The following PAFAH1B2 variants were observed in gnomAD, a reference collection of about 807,000 sequenced individuals.
PAFAH1B2 encodes platelet activating factor acetylhydrolase 1b catalytic subunit 2.
In PAFAH1B2, 8 loss-of-function variants were observed where a neutral mutation model predicts 28.0. The ratio of observed to expected loss-of-function variants is 0.29; its 90% CI spans 0.17 to 0.52. The LOEUF (loss-of-function observed/expected upper bound fraction) is 0.52, where lower values mean the gene tolerates loss of function less well. Ranked by LOEUF, PAFAH1B2 falls within the 20% of genes least tolerant of loss-of-function variation. PAFAH1B2 has a pLI of 0.97. For missense variants in PAFAH1B2, 190 were observed against 282.6 expected (o/e 0.67, Z 2.35); for synonymous variants, 104 against 103.2 (o/e 1.01, Z -0.05).
In PAFAH1B2 at chr11:117,168,152, A is replaced by G; in HGVS notation, c.*453A>G. On this transcript the variant is annotated 3_prime_UTR_variant, in exon 6 of 6. Coordinates refer to ENST00000527958, the MANE Select transcript of PAFAH1B2 (RefSeq NM_002572.4). ...GTTCATAATTTAGCCTTTTGTTTTT[A>G]TGTTGCTTAGATTCTTATGTATACT... The G allele has an allele frequency of 9.5e-7, 1 of 1,051,650 alleles. No homozygotes were observed. The highest frequency in any genetic ancestry group is 1.2e-6 in the Non-Finnish European group (1 of 869,210). The allele number at this position is 1,051,650 out of a possible 1,614,324, so 65.1% of individuals were successfully genotyped here.
intron 5 of PAFAH1B2, among the ~76,000 whole-genome samples, chr11:117,165,824 G>C (rs1409746945): frequency 6.6e-6 from 1 of 151,800 alleles, no homozygotes; most frequent in Non-Finnish European, 1.5e-5. Context: ...CCACAACCAG[G>C]TCATGTAGGA....
At chr11:117,144,674 G>A (rs1955951350) in intron 1 of PAFAH1B2, among the ~76,000 whole-genome samples, 2 of 152,108 alleles carry the variant, frequency 1.3e-5, no homozygotes, top group Admixed American at 1.3e-4. Context: ...CCGAAAGCTG[G>A]CGTTTCTCCT....
At chr11:117,155,645 A>AAAATACTG in intron 2 of PAFAH1B2, among the ~76,000 whole-genome samples, 2 of 152,294 alleles carry the variant, frequency 1.3e-5, no homozygotes, top group South Asian at 4.1e-4. Flanking sequence ...AAAATCCATA[A>AAAATACTG]AAATACTGAT....
chr11:117,149,046 T>G (rs900619794), intron 1 of PAFAH1B2, among the ~76,000 whole-genome samples: 1 of 150,518 alleles, frequency 6.6e-6, no homozygotes, highest in Non-Finnish European at 1.5e-5. Context: ...TTTTTTTTTT[T>G]TTTTTTTTTG....
Position 117,168,302 on chromosome 11 carries a change from G to C in PAFAH1B2, c.*603G>C. 1 of 1,064,076 alleles carries C rather than the reference G, an allele frequency of 9.4e-7. No individual in the cohort carries two copies. Among genetic ancestry groups the C allele is most frequent in the Non-Finnish European group, 1.1e-6 (1 of 878,588 alleles). 65.9% of individuals were successfully genotyped at this position (1,064,076 alleles called of 1,614,324 possible). On this transcript the variant is annotated 3_prime_UTR_variant, in exon 6 of 6. Transcript: ENST00000527958. ...TTTCCATGCTTAGCAGTGAAAAACA[G>C]GTTTTGCCCCAGTAGAGGGATTCTT...
downstream of PAFAH1B2, chr11:117,174,950 C>CT: frequency 1.3e-6 from 2 of 1,514,402 alleles, no homozygotes; most frequent in Non-Finnish European, 1.8e-6. Flanking sequence ...CCTGAGCCAC[C>CT]TGAAGCTTCC....
chr11:117,152,303 T>G lies in PAFAH1B2; in HGVS notation c.-7-138T>G, dbSNP rs1018231786. The G allele has an allele frequency of 4.9e-6, 3 of 616,106 alleles. No individual in the cohort carries two copies. The African/African-American group carries it at 5.5e-5, about 11-fold the overall frequency. The allele number at this position is 616,106 out of a possible 1,614,324, so 38.2% of individuals were successfully genotyped here. A position where few individuals can be genotyped will look rare whatever the true frequency, so the allele number is the denominator to read the frequency against. ...TTCATCTCTACAGAAAGTAATTGTT[T>G]CTGTTTAGTTTCCCAATTGTTTCTA... On this transcript the variant is annotated intron_variant, in intron 1 of 5. Coordinates refer to ENST00000527958, the MANE Select transcript of PAFAH1B2 (RefSeq NM_002572.4).
rs1956603633 is a variant in PAFAH1B2, at chr11:117,169,639, C to G, written c.*1940C>G. On this transcript the variant is annotated 3_prime_UTR_variant, in exon 6 of 6. Transcript: ENST00000527958. ...TACTTTTTTGAATGTATCATGTCTTCATTAACAACAGAAAATCCACATGGT... is the reference window on the plus strand; with the variant it reads ...TACTTTTTTGAATGTATCATGTCTTGATTAACAACAGAAAATCCACATGGT... The G allele has an allele frequency of 7.6e-6, 8 of 1,051,546 alleles. 2 individuals are homozygous for G. The South Asian group carries it at 3.2e-4, about 42-fold the overall frequency. The allele number at this position is 1,051,546 out of a possible 1,614,324, so 65.1% of individuals were successfully genotyped here.
chr11:117,175,456 C>G, downstream of PAFAH1B2: 1 of 1,073,946 alleles, frequency 9.3e-7, no homozygotes, highest in Non-Finnish European at 1.1e-6. Flanking sequence ...GCTGCCCTCC[C>G]ACTCTGTAGA....
At position 117,167,872 on chromosome 11, in the gene PAFAH1B2, T is replaced by A; in HGVS notation, c.*173T>A. ...TAAACTGGTCCTGTACATAGAAGGT[T>A]TGTTTGACAGAGGAGAAAAATTAGC... On this transcript the variant is annotated 3_prime_UTR_variant, in exon 6 of 6. Transcript: ENST00000527958. 1 of 1,224,934 alleles carries A rather than the reference T, an allele frequency of 8.2e-7. No individual in the cohort carries two copies. Among genetic ancestry groups the A allele is most frequent in the Non-Finnish European group, 1.0e-6 (1 of 979,084 alleles). The allele number at this position is 1,224,934 out of a possible 1,614,324, so 75.9% of individuals were successfully genotyped here.
downstream of PAFAH1B2, chr11:117,171,851 A>C (rs1186397822): frequency 4.3e-6 from 4 of 924,182 alleles, no homozygotes; most frequent in African/African-American, 6.7e-5. Context: ...CTGTTGGATT[A>C]AAATGATTTG....
chr11:117,146,160 C>T (rs992559187), intron 1 of PAFAH1B2, among the ~76,000 whole-genome samples: 3 of 147,566 alleles, frequency 2.0e-5, no homozygotes, highest in Non-Finnish European at 4.4e-5. Context: ...CTCAGTCTGT[C>T]GCCCAGGCTG....
downstream of PAFAH1B2, among the ~76,000 whole-genome samples, chr11:117,177,839 T>A (rs1210931616): frequency 2.0e-5 from 3 of 152,248 alleles, no homozygotes; most frequent in African/African-American, 7.2e-5. Context: ...CCTGGCTCTA[T>A]ATACTGTTTA....
In PAFAH1B2 at chr11:117,170,626, TAA is replaced by T. The variant is rs150627380; in HGVS notation, c.*2947_*2948del. 39,931 of 915,874 alleles carry T rather than the reference TAA, an allele frequency of 0.044. 19 individuals are homozygous for T. Among genetic ancestry groups the T allele is most frequent in the African/African-American group, 0.058 (2,872 of 49,870 alleles). 56.7% of individuals were successfully genotyped at this position (915,874 alleles called of 1,614,324 possible). A position where few individuals can be genotyped will look rare whatever the true frequency, so the allele number is the denominator to read the frequency against. On this transcript the variant is annotated 3_prime_UTR_variant, in exon 6 of 6. Coordinates refer to ENST00000527958, the MANE Select transcript of PAFAH1B2 (RefSeq NM_002572.4). ...CCGGCTCTTAGGAATTTTGTCTGTTTAAAAAAAAAAAAAAAAAAAAAGTCCAA... is the reference window on the plus strand; with the variant it reads ...CCGGCTCTTAGGAATTTTGTCTGTTTAAAAAAAAAAAAAAAAAAAGTCCAA...
chr11:117,172,473 AAC>A (rs926042417), downstream of PAFAH1B2, among the ~76,000 whole-genome samples: 5 of 149,048 alleles, frequency 3.4e-5, no homozygotes, highest in Non-Finnish European at 7.4e-5. Context: ...GTGGATTCAT[AAC>A]ACATCAGTAT....
At position 117,152,489 on chromosome 11, in the gene PAFAH1B2, A is replaced by G; in HGVS notation, c.42A>G (p.Ala14=). 1 of 1,613,944 alleles carries G rather than the reference A, an allele frequency of 6.2e-7. No individual in the cohort carries two copies. The change falls in exon 2 of 6, where the codon GCA becomes GCG. Residue 14 remains alanine, a synonymous_variant. Coordinates refer to ENST00000527958, the MANE Select transcript of PAFAH1B2 (RefSeq NM_002572.4). ...CAAACCCAGCAGCTATTCCGCATGC[A>G]GCAGAAGATATTCAAGGAGATGACC... ...GDSNPAAIPH[A]AEDIQGDDRW... is the part of the protein sequence containing the mutation.
At chr11:117,152,053 C>T (rs1440621339) in intron 1 of PAFAH1B2, among the ~76,000 whole-genome samples, 2 of 152,142 alleles carry the variant, frequency 1.3e-5, no homozygotes, top group Non-Finnish European at 2.9e-5. Flanking sequence ...TAACTCTTAA[C>T]AGCTGAAAAG....
chr11:117,171,069 T>C, downstream of PAFAH1B2: 1 of 1,023,362 alleles, frequency 9.8e-7, no homozygotes, highest in Non-Finnish European at 1.2e-6. Flanking sequence ...TTCTGTCTCC[T>C]TTATCATAGT....
At chr11:117,153,312 C>T (rs1956192984) in intron 2 of PAFAH1B2, among the ~76,000 whole-genome samples, 2 of 152,072 alleles carry the variant, frequency 1.3e-5, no homozygotes, top group Non-Finnish European at 2.9e-5. Flanking sequence ...CTAGACTCAC[C>T]AATTGTTAAC....
Sources: allele counts gnomAD v4.1 joint callset (sites outside exome capture counted in the v4.1 genomes callset), GRCh38; gene constraint gnomAD v4.1.1; transcripts MANE v1.5; gene names NCBI Gene and HGNC (gene_info 2026-07-23, HGNC 2026-07-21).